The following ATP11B variants were observed in gnomAD, a reference collection of about 807,000 sequenced individuals.
ATP11B encodes phospholipid-transporting ATPase IF.
A neutral mutation model predicts 157.8 loss-of-function variants in ATP11B; 81 were observed. That is an observed-to-expected ratio of 0.51 (90% CI 0.43 to 0.62). ATP11B has a LOEUF of 0.62. Among genes scored for constraint, ATP11B ranks in the 20% least tolerant of loss-of-function variants. The pLI is 0.00. For synonymous variants in ATP11B, 451 were observed against 469.4 expected (o/e 0.96, Z 0.51); for missense variants, 1,165 against 1,402.2 (o/e 0.83, Z 2.70).
In ATP11B at chr3:182,914,003, T is replaced by C. The variant is rs970601938; in HGVS notation, c.3452+9T>C. 6.2e-7 allele frequency: 1 copy of C among 1,613,738 alleles called. No individual in the cohort carries two copies. Among genetic ancestry groups the C allele is most frequent in the Non-Finnish European group, 8.5e-7 (1 of 1,179,766 alleles). ...CCAACCCACATCAGCAGGTGTGAAA[T>C]CTCTCTAAGTAGCCTTTGCTGCAGA... On this transcript the variant is annotated intron_variant, in intron 29 of 29. Coordinates refer to ENST00000323116, the MANE Select transcript of ATP11B (RefSeq NM_014616.3).
intron 10 of ATP11B, among the ~76,000 whole-genome samples, chr3:182,851,233 G>A (rs1173677444): frequency 1.3e-5 from 2 of 152,204 alleles, no homozygotes; most frequent in African/African-American, 4.8e-5. Flanking sequence ...AGAGGTTTCA[G>A]TGAGCCGAGA....
chr3:182,811,533 A>G (rs1716666965), intron 1 of ATP11B, among the ~76,000 whole-genome samples: 1 of 152,248 alleles, frequency 6.6e-6, no homozygotes, highest in Middle Eastern at 3.4e-3. Flanking sequence ...CTAGAAGTCC[A>G]CCTTCCTTCC....
rs1259316245 is a variant in ATP11B at position 182,866,393 on chromosome 3, G to A, written c.1569G>A (p.Glu523=). 1.2e-6 allele frequency: 2 copies of A among 1,613,454 alleles called. No individual in the cohort carries two copies. Among genetic ancestry groups the A allele is most frequent in the East Asian group, 2.2e-5 (1 of 44,874 alleles). ...CCAACCTGGCACCATCGCAGTTGGA[G>A]TACTATGCATCTTCACCAGATGAAA... ...WQSNLAPSQL[E]YYASSPDEKA... The change falls in exon 14 of 30, where the codon GAG becomes GAA. Residue 523 remains glutamate, a synonymous_variant. Transcript: ENST00000323116.
chr3:182,859,470 C>T (rs1720669152), intron 12 of ATP11B, 111 bp downstream of exon 12: 1 of 878,040 alleles, frequency 1.1e-6, no homozygotes, highest in Non-Finnish European at 1.6e-6. Context: ...AAAAACAACC[C>T]CCCTTTGCTC....
intron 10 of ATP11B, among the ~76,000 whole-genome samples, chr3:182,850,360 C>G (rs371538658): frequency 1.6e-4 from 24 of 152,084 alleles, no homozygotes; most frequent in Admixed American, 9.2e-4. Flanking sequence ...GTAGTCCCAG[C>G]TACTCAGGAG....
At chr3:182,865,138 T>C (rs1472450065) in intron 12 of ATP11B, among the ~76,000 whole-genome samples, 1 of 152,160 alleles carries the variant, frequency 6.6e-6, no homozygotes, top group East Asian at 1.9e-4. Context: ...AGAGTCCTAC[T>C]ACTTAAAATA....
At chr3:182,916,750 A>G in intron 29 of ATP11B, 2 of 984,876 alleles carry the variant, frequency 2.0e-6, no homozygotes, top group South Asian at 9.4e-5. Flanking sequence ...ACTTTACCTA[A>G]TAAGATTATT....
chr3:182,799,486 A>C (rs1326657716), intron 1 of ATP11B, among the ~76,000 whole-genome samples: 2 of 151,870 alleles, frequency 1.3e-5, no homozygotes, highest in African/African-American at 2.4e-5. Flanking sequence ...CCGTGTTACC[A>C]GGATGGTCTC....
intron 8 of ATP11B, chr3:182,844,695 A>G: frequency 4.3e-6 from 1 of 234,960 alleles, no homozygotes; most frequent in Non-Finnish European, 6.9e-6. Flanking sequence ...GAATTCATCC[A>G]TTTATATGCA....
At chr3:182,907,553 G>A (rs997894892) in intron 28 of ATP11B, among the ~76,000 whole-genome samples, 8 of 152,152 alleles carry the variant, frequency 5.3e-5, no homozygotes, top group Non-Finnish European at 1.2e-4. Context: ...ATTTTTGTGT[G>A]TTTTGGTATG....
At chr3:182,801,671 T>G (rs1716023311) in intron 1 of ATP11B, among the ~76,000 whole-genome samples, 1 of 152,162 alleles carries the variant, frequency 6.6e-6, no homozygotes, top group East Asian at 1.9e-4. Context: ...ATTATATAAT[T>G]TTACCCATAA....
intron 1 of ATP11B, among the ~76,000 whole-genome samples, chr3:182,794,367 A>G (rs1715462295): frequency 1.3e-5 from 2 of 152,148 alleles, no homozygotes; most frequent in African/African-American, 4.8e-5. Context: ...GGACCTGGAA[A>G]GGGGAAAGAC....
chr3:182,842,778 G>A (rs981457769), intron 8 of ATP11B, among the ~76,000 whole-genome samples: 52 of 152,178 alleles, frequency 3.4e-4, no homozygotes, highest in Non-Finnish European at 5.9e-4. Context: ...GAAAACTAAT[G>A]TATGTATCAT....
Position 182,793,677 on chromosome 3 carries a change from G to A in ATP11B, c.-83G>A. 1 of 950,504 alleles carries A rather than the reference G, an allele frequency of 1.1e-6. No individual in the cohort carries two copies. The highest frequency in any genetic ancestry group is 3.5e-5 in the East Asian group (1 of 28,876). 58.9% of individuals were successfully genotyped at this position (950,504 alleles called of 1,614,324 possible). On this transcript the variant is annotated 5_prime_UTR_variant, in exon 1 of 30. Transcript: ENST00000323116. ...GAACTTCGGCCCGAGGGGCTCGCCC[G>A]CTCCCGCCTCTGTCTTGTCGGCCTC...
intron 4 of ATP11B, among the ~76,000 whole-genome samples, chr3:182,830,564 T>G (rs959486637): frequency 6.6e-6 from 1 of 152,224 alleles, no homozygotes; most frequent in African/African-American, 2.4e-5. Flanking sequence ...GTTTCAGTTA[T>G]ACAGAGATGA....
rs923651007 is a variant in ATP11B at position 182,920,609 on chromosome 3, G to A, written c.*2505G>A. 6.6e-6 allele frequency: 1 copy of A among 152,188 alleles called. No individual in the cohort carries two copies. Among genetic ancestry groups the A allele is most frequent in the Non-Finnish European group, 1.5e-5 (1 of 68,038 alleles). 9.4% of individuals were successfully genotyped at this position (152,188 alleles called of 1,614,324 possible). ...TATTGCTAATCAGTGGTCTCAAATCGATTTGCCTCCCTTTGCCTCGTCTGA... is the reference window on the plus strand; with the variant it reads ...TATTGCTAATCAGTGGTCTCAAATCAATTTGCCTCCCTTTGCCTCGTCTGA... On this transcript the variant is annotated 3_prime_UTR_variant, in exon 30 of 30. Transcript: ENST00000323116.
intron 2 of ATP11B, 87 bp downstream of exon 2, chr3:182,820,463 C>A (rs977776698): frequency 1.1e-6 from 1 of 903,278 alleles, no homozygotes; most frequent in Non-Finnish European, 1.8e-6. Context: ...GCGAGAGGAT[C>A]GGTTAAGCCC....
chr3:182,899,512 CTAAA>C (rs1302965404), intron 28 of ATP11B, among the ~76,000 whole-genome samples: 2 of 152,000 alleles, frequency 1.3e-5, no homozygotes, highest in Non-Finnish European at 2.9e-5. Flanking sequence ...ATTATTTAAC[CTAAA>C]TAATTTGTAC....
intron 1 of ATP11B, 59 bp from the exon 2 acceptor site, chr3:182,820,201 A>G (rs201120571): frequency 1.0e-5 from 11 of 1,101,976 alleles, no homozygotes; most frequent in Non-Finnish European, 1.4e-5. Flanking sequence ...CTAACAGTAA[A>G]GTATCATAAC....
Sources: allele counts gnomAD v4.1 joint callset (sites outside exome capture counted in the v4.1 genomes callset), GRCh38; gene constraint gnomAD v4.1.1; transcripts MANE v1.5; gene names NCBI Gene and HGNC (gene_info 2026-07-23, HGNC 2026-07-21).